The following NBPF26 variants were observed in gnomAD, a reference collection of about 807,000 sequenced individuals.
NBPF26 encodes the protein NBPF family member NBPF26.
In NBPF26, 79 loss-of-function variants were observed where a neutral mutation model predicts 119.6. The ratio of observed to expected loss-of-function variants is 0.66; its 90% confidence interval spans 0.55 to 0.80. NBPF26 has a LOEUF of 0.80. NBPF26 is among the 30% of genes least tolerant of loss of function. The pLI is 0.00. For missense variants in NBPF26, 800 were observed against 1,198.2 expected (o/e 0.67, Z 4.91); for synonymous variants, 299 against 457.7 (o/e 0.65, Z 4.43).
At chr1:120,770,337 T>G (rs1401949100) in intron 2 of NBPF26, among the ~76,000 whole-genome samples, 78,924 of 100,540 alleles carry the variant, frequency 0.79, 34,478 homozygotes, top group African/African-American at 0.85. Context: ...GCCCGGCTAA[T>G]TTTTTGTATT....
rs1358666562 is a variant in NBPF26 at position 120,801,312 on chromosome 1, C to T, written c.752-4244C>T. On this transcript the variant is annotated intron_variant, in intron 4 of 29. Coordinates refer to ENST00000620612, the Ensembl canonical transcript of NBPF26. Reference sequence around the variant, plus strand: ...AGTGGGGAATTGGAGAGTGACTGCCCATAGGTACAGGCATGCTTTTTGGCA... The same window carrying T: ...AGTGGGGAATTGGAGAGTGACTGCCTATAGGTACAGGCATGCTTTTTGGCA... Among the ~76,000 whole-genome samples the T allele has an allele frequency of 1.3e-4, 16 of 119,892 alleles. 2 individuals carry two copies. Among genetic ancestry groups the T allele is most frequent in the Middle Eastern group, 3.8e-3 (1 of 262 alleles). 78.7% of individuals were successfully genotyped at this position (119,892 alleles called of 152,430 possible).
At chr1:120,787,881 TAAAA>T (rs1651438534) in intron 3 of NBPF26, among the ~76,000 whole-genome samples, 1 of 98,548 alleles carries the variant, frequency 1.0e-5, no homozygotes, top group Non-Finnish European at 1.8e-5. Flanking sequence ...ATGTTTTTAA[TAAAA>T]GAAGGAGGAA....
rs1407382871 is a variant in NBPF26, at chr1:120,838,514, G to A, written c.3822-231G>A. The stretch of plus-strand genomic sequence containing the variant: ...GTTCTCTCTCTCTCTCTCTCTGTGT[G>A]TGTGTGTGTGTGTGTGTGTGTGTGT... On this transcript the variant is annotated intron_variant, in intron 27 of 29. Transcript: ENST00000620612. Among the ~76,000 whole-genome samples, 11 of 61,106 alleles carry A rather than the reference G, an allele frequency of 1.8e-4. 3 individuals are homozygous for A. The East Asian group carries it at 0.012, about 69-fold the overall frequency. The allele number at this position is 61,106 out of a possible 152,430, so 40.1% of individuals were successfully genotyped here. A position where few individuals can be genotyped will look rare whatever the true frequency, so the allele number is the denominator to read the frequency against.
chr1:120,759,868 C>A lies in NBPF26; in HGVS notation c.74-3760C>A, dbSNP rs1651115006. On this transcript the variant is annotated intron_variant, in intron 1 of 29. Coordinates refer to ENST00000620612, the Ensembl canonical transcript of NBPF26. ...CTTAGCAATTTTGAAATGTACAATA[C>A]CCTATTATTAACTATATTCACCACT... 1.8e-5 allele frequency among the ~76,000 whole-genome samples: 2 copies of A among 110,318 alleles called. 1 individual carries two copies. Among genetic ancestry groups the A allele is most frequent in the Non-Finnish European group, 3.4e-5 (2 of 59,112 alleles). 72.4% of individuals were successfully genotyped at this position (110,318 alleles called of 152,430 possible).
At chr1:120,810,917 T>C in intron 9 of NBPF26, among the ~76,000 whole-genome samples, 1 of 108,256 alleles carries the variant, frequency 9.2e-6, no homozygotes, top group South Asian at 2.7e-4. Context: ...GGCTAGACTC[T>C]CTCTCCTTTT....
chr1:120,768,672 A>G lies in NBPF26; in HGVS notation c.155+4963A>G, dbSNP rs1651222630. Among the ~76,000 whole-genome samples the G allele has an allele frequency of 3.0e-5, 3 of 101,028 alleles. 1 individual carries two copies. The highest frequency in any genetic ancestry group is 5.4e-5 in the Non-Finnish European group (3 of 55,812). The allele number at this position is 101,028 out of a possible 152,430, so 66.3% of individuals were successfully genotyped here. On this transcript the variant is annotated intron_variant, in intron 2 of 29. Coordinates refer to ENST00000620612, the Ensembl canonical transcript of NBPF26. ...GTTTGCTTCGCTTTTTCTGAGGCTTATATCCCTTCTAGTTTATGCCTGCTT... is the reference window on the plus strand; with the variant it reads ...GTTTGCTTCGCTTTTTCTGAGGCTTGTATCCCTTCTAGTTTATGCCTGCTT...
Position 120,823,478 on chromosome 1 carries a change from T to C in NBPF26, c.2639+118T>C, listed in dbSNP as rs1368511244. The C allele has an allele frequency of 9.3e-4, 621 of 670,710 alleles. 24 individuals carry two copies. In the Middle Eastern group the frequency reaches 9.8e-3, roughly 11 times the overall value. 41.5% of individuals were successfully genotyped at this position (670,710 alleles called of 1,614,324 possible). A position where few individuals can be genotyped will look rare whatever the true frequency, so the allele number is the denominator to read the frequency against. On this transcript the variant is annotated intron_variant, in intron 17 of 29. Coordinates refer to ENST00000620612, the Ensembl canonical transcript of NBPF26. ...TGTCTTGTCAGACAAGTCTGAATTA[T>C]GCCTACTACATTGCTTTTTGGTTCT...
exon 8 of NBPF26, chr1:120,809,844 T>G (rs1651814323): frequency 6.7e-7 from 1 of 1,490,464 alleles, no homozygotes; most frequent in South Asian, 1.2e-5. Context: ...GATGTTCAAG[T>G]TGAGGAGGAT....
chr1:120,810,263 C>G (rs1553270796), intron 8 of NBPF26, 84 bp from the exon 9 acceptor site: 1 of 1,356,942 alleles, frequency 7.4e-7, no homozygotes, highest in Non-Finnish European at 9.9e-7. Context: ...CTTAATGCCG[C>G]CTGTCAAAAC....
Position 120,811,943 on chromosome 1 carries a change from T to A in NBPF26, c.1622T>A (p.Leu541Ter). The change falls in exon 10 of 30, where the codon TTG (leucine) becomes TAG (stop). Residue 541 changes from leucine (L) to a stop codon, truncating the protein, a stop_gained. Coordinates refer to ENST00000620612, the Ensembl canonical transcript of NBPF26. LOFTEE classifies it high-confidence loss of function. ...AGCATGGTGGTATCAGCCGGCCCTT[T>A]GTCCGGCGAGAAGGCAGCGATAAAC... The A allele has an allele frequency of 8.3e-7, 1 of 1,201,850 alleles. No individual in the cohort carries two copies. The highest frequency in any genetic ancestry group is 1.2e-6 in the Non-Finnish European group (1 of 864,680). The allele number at this position is 1,201,850 out of a possible 1,614,324, so 74.4% of individuals were successfully genotyped here.
At chr1:120,745,501 A>T (rs1413384489) in intron 1 of NBPF26, among the ~76,000 whole-genome samples, 1 of 74,602 alleles carries the variant, frequency 1.3e-5, no homozygotes, top group Non-Finnish European at 2.4e-5. Flanking sequence ...CAGATTACAA[A>T]CTGTAGGCCT....
At chr1:120,725,173 AATC>A (rs1459670203) in intron 1 of NBPF26, among the ~76,000 whole-genome samples, 1 of 74,588 alleles carries the variant, frequency 1.3e-5, no homozygotes, top group Non-Finnish European at 2.3e-5. Flanking sequence ...AAGGGAATCA[AATC>A]ATATCTTCCC....
At chr1:120,833,167 C>G in intron 23 of NBPF26, among the ~76,000 whole-genome samples, 184 bp downstream of exon 27, 2 of 118,478 alleles carry the variant, frequency 1.7e-5, no homozygotes, top group Non-Finnish European at 3.3e-5. Context: ...TTATCATTTA[C>G]TAACGTACCA....
intron 2 of NBPF26, among the ~76,000 whole-genome samples, chr1:120,774,958 GGTT>G (rs1651291809): frequency 8.7e-6 from 1 of 115,122 alleles, no homozygotes; most frequent in Non-Finnish European, 1.7e-5. Flanking sequence ...CCTTCTGTTT[GGTT>G]GTTCTTTGCT....
chr1:120,729,706 TCCCTAAC>T (rs1650855670), intron 1 of NBPF26, among the ~76,000 whole-genome samples: 1 of 117,364 alleles, frequency 8.5e-6, no homozygotes, highest in Non-Finnish European at 1.6e-5. Context: ...AAGCAGTGTT[TCCCTAAC>T]TTCTCTTATG....
rs1416955931 is a variant in NBPF26, at chr1:120,778,081, T to C, written c.156-6893T>C. On this transcript the variant is annotated intron_variant, in intron 2 of 29. Transcript: ENST00000620612. ...TGTTAGCAATTACTTTTATCTACTT[T>C]AACAGGGGGGACAGAGTAGGGGGGC... Among the ~76,000 whole-genome samples, 37 of 81,116 alleles carry C rather than the reference T, an allele frequency of 4.6e-4. 5 individuals are homozygous for C. In the South Asian group the frequency reaches 8.5e-3, roughly 19 times the overall value. 53.2% of individuals were successfully genotyped at this position (81,116 alleles called of 152,430 possible). A position where few individuals can be genotyped will look rare whatever the true frequency, so the allele number is the denominator to read the frequency against.
chr1:120,806,107 G>A lies in NBPF26; in HGVS notation c.961+342G>A, dbSNP rs1358076749. Among the ~76,000 whole-genome samples, 9 of 106,806 alleles carry A rather than the reference G, an allele frequency of 8.4e-5. 1 individual carries two copies. Among genetic ancestry groups the A allele is most frequent in the African/African-American group, 1.5e-4 (3 of 19,374 alleles). The allele number at this position is 106,806 out of a possible 152,430, so 70.1% of individuals were successfully genotyped here. ...AGATCCTGCAGACAAATAACATCTA[G>A]TCTGTTGTTCTAAATGTCTAGGACT... On this transcript the variant is annotated intron_variant, in intron 5 of 29. Coordinates refer to ENST00000620612, the Ensembl canonical transcript of NBPF26.
At chr1:120,814,875 T>C in exon 12 of NBPF26, 2 of 1,246,484 alleles carry the variant, frequency 1.6e-6, no homozygotes, top group Non-Finnish European at 2.3e-6. Context: ...GCTGACCCAG[T>C]TAAGGGAGAA....
chr1:120,805,270 A>C (rs2101488749), intron 4 of NBPF26: 1 of 1,047,798 alleles, frequency 9.5e-7, no homozygotes, highest in South Asian at 1.5e-5. Context: ...TGACACCCCC[A>C]CCTTCTAATT....
Sources: gnomAD v4.1 joint callset for allele counts (sites outside exome capture counted in the v4.1 genomes callset) on GRCh38, gnomAD v4.1.1 for gene constraint, MANE v1.5 for transcripts, NCBI Gene and HGNC (gene_info 2026-07-23, HGNC 2026-07-21) for gene names.